The following CALD1 variants were observed in gnomAD, a reference collection of about 807,000 sequenced individuals.
CALD1 encodes caldesmon.
Under a neutral mutation model 99.9 loss-of-function variants are expected in CALD1, and 33 were observed. The ratio of observed to expected loss-of-function variants is 0.33; its 90% CI spans 0.25 to 0.44. The LOEUF is 0.44. Among genes scored for constraint, CALD1 ranks in the 20% least tolerant of loss-of-function variants. The pLI, the probability that CALD1 is intolerant of heterozygous loss-of-function variation, is 1.00. For synonymous variants in CALD1, 310 were observed against 325.0 expected (o/e 0.95, Z 0.50); for missense variants, 861 against 962.1 (o/e 0.89, Z 1.39).
At chr7:134,842,781 A>G (rs1036924234) in intron 1 of CALD1, among the ~76,000 whole-genome samples, 2 of 152,174 alleles carry the variant, frequency 1.3e-5, no homozygotes, top group Admixed American at 6.5e-5. Context: ...TATTTGTTTA[A>G]TCTAGAAAGG....
intron 1 of CALD1, among the ~76,000 whole-genome samples, chr7:134,762,030 C>T (rs1442711792): frequency 6.6e-6 from 1 of 152,202 alleles, no homozygotes; most frequent in African/African-American, 2.4e-5. Context: ...GAGGCCAGTA[C>T]TGGACGAAAG....
At chr7:134,846,959 C>T (rs1352672944) in intron 2 of CALD1, among the ~76,000 whole-genome samples, 2 of 152,220 alleles carry the variant, frequency 1.3e-5, no homozygotes, top group Non-Finnish European at 2.9e-5. Flanking sequence ...AAACCCTTTG[C>T]AATCCATGAA....
intron 1 of CALD1, among the ~76,000 whole-genome samples, chr7:134,794,540 G>A (rs1391748341): frequency 6.6e-6 from 1 of 152,178 alleles, no homozygotes; most frequent in Non-Finnish European, 1.5e-5. Context: ...GGGCTGGAGT[G>A]CAGTGGAGCA....
At chr7:134,927,251 A>G (rs1805093613) in intron 3 of CALD1, among the ~76,000 whole-genome samples, 1 of 152,188 alleles carries the variant, frequency 6.6e-6, no homozygotes, top group African/African-American at 2.4e-5. Context: ...AAGTATTAGG[A>G]GAAACATATC....
chr7:134,800,767 C>T (rs757103097), intron 1 of CALD1, among the ~76,000 whole-genome samples: 25 of 151,890 alleles, frequency 1.6e-4, no homozygotes, highest in Non-Finnish European at 3.4e-4. Context: ...TTAATTTAAA[C>T]AATATATTAG....
chr7:134,785,882 T>C lies in CALD1; in HGVS notation c.-130+6133T>C, dbSNP rs564503136. Among the ~76,000 whole-genome samples the C allele has an allele frequency of 5.3e-5, 8 of 152,366 alleles. No individual in the cohort carries two copies. The South Asian group carries it at 1.7e-3, about 32-fold the overall frequency. ...GTTTCTCAAGGCAGCAGAACAGAAC[T>C]GAATATATAAATTCATAGAATTTTT... On this transcript the variant is annotated intron_variant, in intron 1 of 14. Transcript: ENST00000361675.
At chr7:134,886,813 A>T (rs1469709556) in intron 3 of CALD1, among the ~76,000 whole-genome samples, 1 of 152,222 alleles carries the variant, frequency 6.6e-6, no homozygotes, top group Non-Finnish European at 1.5e-5. Context: ...CTTTAGCTCT[A>T]CTGCTTTCAG....
At chr7:134,968,300 C>T in intron 14 of CALD1, 40 bp from the exon 15 acceptor site, 1 of 1,607,394 alleles carries the variant, frequency 6.2e-7, no homozygotes, top group Non-Finnish European at 8.5e-7. Flanking sequence ...GTCAGTTTCA[C>T]ACTACAGGCT....
At chr7:134,768,623 G>A (rs1174040158) in intron 1 of CALD1, among the ~76,000 whole-genome samples, 1 of 152,100 alleles carries the variant, frequency 6.6e-6, no homozygotes, top group African/African-American at 2.4e-5. Flanking sequence ...AAGTAATCTA[G>A]AGGACCAGAT....
chr7:134,949,903 G>A (rs1807200413), intron 8 of CALD1, among the ~76,000 whole-genome samples: 1 of 127,002 alleles, frequency 7.9e-6, no homozygotes, highest in Non-Finnish European at 1.7e-5. Flanking sequence ...GATCGCTGAT[G>A]AGCCAAAAAA....
At chr7:134,890,438 T>C (rs896673749) in intron 3 of CALD1, among the ~76,000 whole-genome samples, 1 of 152,184 alleles carries the variant, frequency 6.6e-6, no homozygotes, top group African/African-American at 2.4e-5. Context: ...TTTCATTCCG[T>C]GAAAGCGCTC....
At chr7:134,943,390 G>T (rs1806610822) in intron 7 of CALD1, among the ~76,000 whole-genome samples, 1 of 152,150 alleles carries the variant, frequency 6.6e-6, no homozygotes, top group Non-Finnish European at 1.5e-5. Context: ...ATAGGCAGAG[G>T]TGGTGTGAAC....
intron 1 of CALD1, among the ~76,000 whole-genome samples, chr7:134,761,393 A>C (rs1270977327): frequency 6.6e-6 from 1 of 152,090 alleles, no homozygotes; most frequent in Non-Finnish European, 1.5e-5. Context: ...CTGCTCCATA[A>C]TCTACTGAGA....
chr7:134,885,480 G>GA (rs1416528387), intron 3 of CALD1, among the ~76,000 whole-genome samples: 1 of 151,964 alleles, frequency 6.6e-6, no homozygotes, highest in East Asian at 1.9e-4. Context: ...GGTATCACTG[G>GA]AAAAAAATCT....
intron 2 of CALD1, among the ~76,000 whole-genome samples, chr7:134,845,630 T>C (rs4732060): frequency 0.31 from 46,804 of 152,060 alleles, 9,221 homozygotes; most frequent in East Asian, 0.67. Flanking sequence ...TAGAAAACAA[T>C]GCATATGCAG....
rs746745691 is a variant in CALD1 at position 134,947,516 on chromosome 7, G to A, written c.1541G>A (p.Gly514Glu). ...KHTENTFSRP[G>E]GRASVDTKEA... The stretch of plus-strand genomic sequence containing the variant: ...TTGCCCCCCAACCACAGCCGCCCTG[G>A]AGGGAGGGCCAGCGTGGACACCAAG... The change falls in exon 8 of 15, where the codon GGA becomes GAA. Residue 514 changes from glycine (G) to glutamate (E), a missense_variant. Gly to Glu is a moderately conservative substitution (Grantham distance 98). Transcript: ENST00000361675. 1.9e-6 allele frequency: 3 copies of A among 1,568,964 alleles called. No individual in the cohort carries two copies. The highest frequency in any genetic ancestry group is 8.6e-7 in the Non-Finnish European group (1 of 1,156,650).
chr7:134,927,551 CAA>C (rs58182455), intron 3 of CALD1, among the ~76,000 whole-genome samples: 20 of 40,394 alleles, frequency 5.0e-4, no homozygotes, highest in African/African-American at 1.9e-3. Flanking sequence ...GACTGTGTCT[CAA>C]AAAAAAAAAA....
intron 1 of CALD1, among the ~76,000 whole-genome samples, chr7:134,821,556 G>T (rs1823776): frequency 1 from 150,453 of 150,600 alleles, 75,153 homozygotes; most frequent in East Asian, 1. Flanking sequence ...TACTTTTTTG[G>T]GGTTAACTTT....
intron 6 of CALD1, among the ~76,000 whole-genome samples, chr7:134,938,535 C>A (rs1352018599): frequency 1.3e-5 from 2 of 152,084 alleles, no homozygotes; most frequent in Non-Finnish European, 2.9e-5. Context: ...TCTATTAATC[C>A]TTCAGCACGG....
Sources: gnomAD v4.1 joint callset for allele counts (sites outside exome capture counted in the v4.1 genomes callset) on GRCh38, gnomAD v4.1.1 for gene constraint, MANE v1.5 for transcripts, NCBI Gene and HGNC (gene_info 2026-07-23, HGNC 2026-07-21) for gene names.